GCN1: variants seen among roughly 807,000 people sequenced by gnomAD.
GCN1 encodes stalled ribosome sensor GCN1.
Under a neutral mutation model 288.4 loss-of-function variants are expected in GCN1, and 90 were observed. The ratio of observed to expected loss-of-function variants is 0.31; its 90% CI spans 0.26 to 0.37. The LOEUF is 0.37. Ranked by LOEUF, GCN1 falls within the 10% of genes least tolerant of loss-of-function variation. The probability of loss-of-function intolerance (pLI) is 1.00; values close to 1 mark genes in which losing one functional copy is unlikely to be tolerated. For synonymous variants in GCN1, 1,386 were observed against 1,420.2 expected, an observed-to-expected ratio of 0.98 and a Z score of 0.54; for missense variants, 2,586 against 3,419.9, an observed-to-expected ratio of 0.76 and a Z score of 6.08.
At chr12:120,135,583 G>A (rs546335608) in intron 51 of GCN1, among the ~76,000 whole-genome samples, 29 of 152,110 alleles carry the variant, frequency 1.9e-4, no homozygotes, top group Admixed American at 1.0e-3. Flanking sequence ...GGCTGGTCTC[G>A]AACTCCCGAC....
rs753655582 is a variant in GCN1, at chr12:120,138,308, CAT to C, written c.6249+13_6249+14del. On this transcript the variant is annotated intron_variant, in intron 47 of 57. Transcript: ENST00000300648. Reference sequence around the variant, plus strand: ...CCCTGGAGCCAGAGGGTGTTGACCACATGTTGGGATTTACCTTGGGCACAAGG... The same window carrying C: ...CCCTGGAGCCAGAGGGTGTTGACCACGTTGGGATTTACCTTGGGCACAAGG... 13 of 1,492,028 alleles carry C rather than the reference CAT, an allele frequency of 8.7e-6. No homozygotes were observed. Among genetic ancestry groups the C allele is most frequent in the Non-Finnish European group, 1.1e-5 (12 of 1,068,510 alleles). The allele number at this position is 1,492,028 out of a possible 1,614,324, so 92.4% of individuals were successfully genotyped here.
In GCN1 at chr12:120,136,711, C is replaced by T; in HGVS notation, c.6799G>A (p.Val2267Met). 1 of 1,613,746 alleles carries T rather than the reference C, an allele frequency of 6.2e-7. No homozygotes were observed. Among genetic ancestry groups the T allele is most frequent in the Non-Finnish European group, 8.5e-7 (1 of 1,179,892 alleles). Reference protein sequence around the residue: ...PKKGVTSILPVLREGVLTGSP... With the variant: ...PKKGVTSILPMLREGVLTGSP... ...CCAGTCAGGACTCCTTCCCGCAACA[C>T]TGGAAGGATGGAGGTCACTCCCTGA... Residue 2267 changes from valine to methionine, a missense_variant, in exon 51 of 58, where the codon GTG becomes ATG. By Grantham distance (21) the Val-to-Met change is conservative. This residue lies in a region of GCN1 where 437 missense variants were observed against 570.5 expected (regional missense o/e 0.77). Coordinates refer to ENST00000300648, the MANE Select transcript of GCN1 (RefSeq NM_006836.2).
chr12:120,192,473 A>T (rs1369428804), intron 1 of GCN1, among the ~76,000 whole-genome samples: 1 of 152,220 alleles, frequency 6.6e-6, no homozygotes, highest in Admixed American at 6.5e-5. Context: ...CACGCCTGTA[A>T]TCCCAGCACT....
Position 120,157,844 on chromosome 12 carries a change from C to A in GCN1, c.3087+5G>T, listed in dbSNP as rs765177939. 1.7e-5 allele frequency: 27 copies of A among 1,612,036 alleles called. No homozygotes were observed. The highest frequency in any genetic ancestry group is 2.2e-5 in the Non-Finnish European group (26 of 1,178,806). On this transcript the variant is annotated splice_donor_5th_base_variant and intron_variant, in intron 26 of 57. Transcript: ENST00000300648. ...CCAAGAGGAGAGCAGAGCTTCCCTGCCAACCTCGTCCACCCGCCCGGGTGG... is the reference window on the plus strand; with the variant it reads ...CCAAGAGGAGAGCAGAGCTTCCCTGACAACCTCGTCCACCCGCCCGGGTGG...
chr12:120,142,741 G>A lies in GCN1; in HGVS notation c.5614-19C>T, dbSNP rs1877238876. The A allele has an allele frequency of 5.6e-6, 9 of 1,612,386 alleles. No homozygotes were observed. The highest frequency in any genetic ancestry group is 1.3e-5 in the African/African-American group (1 of 74,916). ...TGATCGCCTGCAGCCAGTAGAAGGG[G>A]ACAGAGAGTAGTGAAGCCTCTATGG... On this transcript the variant is annotated intron_variant, in intron 43 of 57. Transcript: ENST00000300648. The surrounding 1 kb of genome is among the most constrained non-coding windows in gnomAD (Gnocchi z 4.9).
rs1555299092 is a variant in GCN1, at chr12:120,134,486, A to G, written c.7202+47T>C. 1 of 1,597,940 alleles carries G rather than the reference A, an allele frequency of 6.3e-7. No individual in the cohort carries two copies. The highest frequency in any genetic ancestry group is 1.3e-5 in the African/African-American group (1 of 74,648). ...GCCAGCGCAGGCTCGGCCCACAGCA[A>G]CCCCTGGCCTCCTGGAGGCCACAGT... On this transcript the variant is annotated intron_variant, in intron 52 of 57. Coordinates refer to ENST00000300648, the MANE Select transcript of GCN1 (RefSeq NM_006836.2). This position sits in a 1 kb window ranked among gnomAD's most constrained non-coding sequence, Gnocchi z 5.0.
rs1178821674 is a variant in GCN1, at chr12:120,140,874, G to A, written c.5979C>T (p.Ser1993=). ...AGATACTCACGGCATCCCGGCTGGT[G>A]GACTTCATGATCTCACTTAGGCCAA... ...VCIGLSEIMK[S]TSRDAVLYFS... The change falls in exon 45 of 58, where the codon TCC becomes TCT. Residue 1993 remains serine (S), a synonymous_variant. Coordinates refer to ENST00000300648, the MANE Select transcript of GCN1 (RefSeq NM_006836.2). 6.2e-7 allele frequency: 1 copy of A among 1,613,558 alleles called. No individual in the cohort carries two copies. Among genetic ancestry groups the A allele is most frequent in the African/African-American group, 1.3e-5 (1 of 74,878 alleles).
chr12:120,140,794 T>C, intron 45 of GCN1, 65 bp downstream of exon 45: 5 of 1,480,156 alleles, frequency 3.4e-6, no homozygotes, highest in Non-Finnish European at 4.6e-6. Flanking sequence ...TCAGTAGCCC[T>C]CCCCCGCCCT....
chr12:120,169,754 G>T (rs999178525), intron 15 of GCN1, among the ~76,000 whole-genome samples: 2 of 152,122 alleles, frequency 1.3e-5, no homozygotes, highest in East Asian at 3.8e-4. Flanking sequence ...CGCCTGCCTC[G>T]GCCTCCCAAA....
intron 8 of GCN1, 55 bp downstream of exon 8, chr12:120,177,629 C>A: frequency 6.4e-7 from 1 of 1,553,664 alleles, no homozygotes; most frequent in Non-Finnish European, 8.9e-7. Context: ...TTCAGCATCC[C>A]AGAATTGAAA....
intron 56 of GCN1, 49 bp from the exon 57 acceptor site, chr12:120,129,543 C>T (rs751190469): frequency 5.8e-6 from 8 of 1,391,284 alleles, no homozygotes; most frequent in Non-Finnish European, 8.2e-6. Flanking sequence ...GTCATCTATT[C>T]CTTGAAGCAG....
In GCN1 at chr12:120,145,019, C is replaced by A. The variant is rs1215109694; in HGVS notation, c.5059G>T (p.Gly1687Cys). Reference sequence around the variant, plus strand: ...TCCTCAAAGCACGACTCCCCCATGCCCTTCACCATGGCCCCAAGGGCCTTT... The same window carrying A: ...TCCTCAAAGCACGACTCCCCCATGCACTTCACCATGGCCCCAAGGGCCTTT... ...SAKALGAMVK[G>C]MGESCFEDLL... is the part of the protein sequence containing the mutation. The change falls in exon 40 of 58, where the codon GGC becomes TGC. Residue 1687 changes from glycine (G) to cysteine (C), a missense_variant. Physicochemically the swap from Gly to Cys is radical, Grantham distance 159. Transcript: ENST00000300648. 2 of 1,613,882 alleles carry A rather than the reference C, an allele frequency of 1.2e-6. No homozygotes were observed. The highest frequency in any genetic ancestry group is 1.7e-6 in the Non-Finnish European group (2 of 1,179,994).
Position 120,130,663 on chromosome 12 carries a change from A to G in GCN1, c.7654T>C (p.Ser2552Pro), listed in dbSNP as rs202191794. Residue 2552 changes from serine to proline, a missense_variant, in exon 56 of 58, where the codon TCC (serine) becomes CCC (proline). Physicochemically the swap from Ser to Pro is moderately conservative, Grantham distance 74. This residue lies in a region of GCN1 where 355 missense variants were observed against 431.1 expected (regional missense o/e 0.82). Coordinates refer to ENST00000300648, the MANE Select transcript of GCN1 (RefSeq NM_006836.2). Reference sequence around the variant, plus strand: ...CCACTCACCTTAACGAACAGGCTGGAAAGTTTGGCCGGCAACTGCCCTCCG... The same window carrying G: ...CCACTCACCTTAACGAACAGGCTGGGAAGTTTGGCCGGCAACTGCCCTCCG... ...TGGGQLPAKL[S>P]SLFVKCLQNP... The G allele has an allele frequency of 4.0e-5, 64 of 1,613,022 alleles. No homozygotes were observed. Among genetic ancestry groups the G allele is most frequent in the Non-Finnish European group, 3.8e-5 (45 of 1,179,176 alleles).
Position 120,147,076 on chromosome 12 carries a change from G to C in GCN1, c.4923C>G (p.Asn1641Lys). The C allele has an allele frequency of 6.3e-7, 1 of 1,587,030 alleles. No homozygotes were observed. The highest frequency in any genetic ancestry group is 1.1e-5 in the South Asian group (1 of 87,562). Residue 1641 changes from asparagine (N) to lysine (K), a missense_variant, in exon 38 of 58, where the codon AAC becomes AAG. Physicochemically the swap from Asn to Lys is moderately conservative, Grantham distance 94 (BLOSUM62 0). This residue lies in a region of GCN1 where 371 missense variants were observed against 572.6 expected (regional missense o/e 0.65). Coordinates refer to ENST00000300648, the MANE Select transcript of GCN1 (RefSeq NM_006836.2). ...TRKMAAQIIG[N>K]MYSLTDQKDL... ...CCTTCTGGTCTGTCAGGGAGTACATGTTGCCAATAATCTGGGCTGCCATCT... is the reference window on the plus strand; with the variant it reads ...CCTTCTGGTCTGTCAGGGAGTACATCTTGCCAATAATCTGGGCTGCCATCT...
chr12:120,157,032 G>A (rs1276218513), intron 26 of GCN1, 40 bp from the exon 27 acceptor site: 2 of 1,434,796 alleles, frequency 1.4e-6, no homozygotes, highest in Non-Finnish European at 2.0e-6. Flanking sequence ...GAGGCTGTGG[G>A]GAGGTCTGTA....
At chr12:120,172,729 G>A (rs1395448538) in intron 14 of GCN1, among the ~76,000 whole-genome samples, 1 of 152,144 alleles carries the variant, frequency 6.6e-6, no homozygotes, top group Admixed American at 6.5e-5. Flanking sequence ...GGCTGGTCAC[G>A]AACTCCTGAC....
At chr12:120,175,126 CAAAAAAAAAAAAAA>C (rs58560211) in intron 12 of GCN1, 22 bp downstream of exon 12, 6 of 1,062,102 alleles carry the variant, frequency 5.6e-6, no homozygotes, top group East Asian at 2.6e-5. Flanking sequence ...GACTTTCTCT[CAAAAAAAAAAAAAA>C]AAAAAAAAAG....
At chr12:120,130,444 A>G (rs1876777244) in intron 56 of GCN1, among the ~76,000 whole-genome samples, 1 of 152,210 alleles carries the variant, frequency 6.6e-6, no homozygotes, top group South Asian at 2.1e-4. Flanking sequence ...AGAATCTGAC[A>G]AAAAGTTAGG....
Position 120,136,589 on chromosome 12 carries a change from A to G in GCN1, c.6921T>C (p.Thr2307=). Residue 2307 remains threonine, a synonymous_variant, in exon 51 of 58, where the codon ACT becomes ACC. Coordinates refer to ENST00000300648, the MANE Select transcript of GCN1 (RefSeq NM_006836.2). ...DALRPSVVSI[T]GPLIRILGDR... is the part of the protein sequence containing the mutation. ...CCCCCAGGATGCGGATCAGAGGGCC[A>G]GTGATGCTGACCACGGAGGGCCTCA... The G allele has an allele frequency of 6.2e-7, 1 of 1,614,226 alleles. No individual in the cohort carries two copies.
Sources: gnomAD v4.1 joint callset for allele counts (sites outside exome capture counted in the v4.1 genomes callset) on GRCh38, gnomAD v4.1.1 for gene constraint, gnomAD v4.1.1 regional missense constraint, Gnocchi (gnomAD v3.1) non-coding constraint, MANE v1.5 for transcripts, NCBI Gene and HGNC (gene_info 2026-07-23, HGNC 2026-07-21) for gene names.